SH3KBP1: variants seen among roughly 807,000 people sequenced by gnomAD.
SH3KBP1 encodes SH3 domain-containing kinase-binding protein 1.
A neutral mutation model predicts 50.1 loss-of-function variants in SH3KBP1; 8 were observed. That is an observed-to-expected ratio of 0.16 (90% CI 0.09 to 0.29). The LOEUF is 0.29. Ranked by LOEUF, SH3KBP1 falls within the 10% of genes least tolerant of loss-of-function variation. The pLI, the probability that SH3KBP1 is intolerant of heterozygous loss-of-function variation, is 1.00. For synonymous variants in SH3KBP1, 227 were observed against 218.6 expected, an observed-to-expected ratio of 1.04 and a Z score of -0.34; for missense variants, 377 against 535.2, an observed-to-expected ratio of 0.70 and a Z score of 2.92.
chrX:19,695,581 CT>C, intron 5 of SH3KBP1, 30 bp downstream of exon 5: 1 of 1,206,408 alleles, frequency 8.3e-7, no homozygotes, highest in Non-Finnish European at 1.1e-6. Flanking sequence ...TCCCCCGCCC[CT>C]CTCCTGCTTG....
At chrX:19,833,746 C>G (rs780614391) in intron 2 of SH3KBP1, among the ~76,000 whole-genome samples, 3 of 111,864 alleles carry the variant, frequency 2.7e-5, no homozygotes, top group Non-Finnish European at 5.6e-5. Context: ...CTCTTTCCCA[C>G]AGTCCCCTTC....
At chrX:19,855,299 A>G (rs147632851) in intron 1 of SH3KBP1, among the ~76,000 whole-genome samples, 3 of 112,056 alleles carry the variant, frequency 2.7e-5, no homozygotes, top group African/African-American at 6.5e-5. Context: ...GCTTTTTCTT[A>G]AAGAGTCAGA....
At chrX:19,875,233 C>T (rs1355169690) in intron 1 of SH3KBP1, among the ~76,000 whole-genome samples, 2 of 111,682 alleles carry the variant, frequency 1.8e-5, no homozygotes, top group South Asian at 3.8e-4. Context: ...CACTTTTTAA[C>T]GGCCGCCAAC....
intron 6 of SH3KBP1, among the ~76,000 whole-genome samples, chrX:19,682,333 TACACACACAC>T (rs59044973): frequency 1.8e-4 from 14 of 75,912 alleles, no homozygotes; most frequent in Middle Eastern, 7.3e-3. Context: ...ATAAGAGTCA[TACACACACAC>T]ACACACACAC....
intron 6 of SH3KBP1, chrX:19,683,220 T>A (rs1210453201): frequency 3.1e-6 from 1 of 318,554 alleles, no homozygotes; most frequent in Non-Finnish European, 6.1e-6. Flanking sequence ...AGCAGCAACA[T>A]GCTGCCTGCC....
intron 2 of SH3KBP1, among the ~76,000 whole-genome samples, chrX:19,797,785 G>A (rs1343737155): frequency 9.1e-6 from 1 of 110,207 alleles, no homozygotes. Context: ...AGGGGTGAGA[G>A]AACTTGTGAC....
intron 2 of SH3KBP1, among the ~76,000 whole-genome samples, chrX:19,834,407 G>A (rs960429846): frequency 1.8e-5 from 2 of 111,947 alleles, no homozygotes; most frequent in African/African-American, 6.5e-5. Flanking sequence ...TCTGCATGCA[G>A]GTCTTCCCAC....
chrX:19,814,571 T>G (rs1294356007), intron 2 of SH3KBP1, among the ~76,000 whole-genome samples: 1 of 111,749 alleles, frequency 8.9e-6, no homozygotes, highest in Non-Finnish European at 1.9e-5. Flanking sequence ...CATAGGGCCT[T>G]TGCACGTGCC....
intron 2 of SH3KBP1, among the ~76,000 whole-genome samples, chrX:19,765,986 A>G (rs1007502130): frequency 2.7e-5 from 3 of 111,720 alleles, no homozygotes; most frequent in South Asian, 3.7e-4. Context: ...TGGGTGTATA[A>G]TATCTCTGAG....
intron 14 of SH3KBP1, among the ~76,000 whole-genome samples, chrX:19,548,573 T>C (rs764313401): frequency 1.8e-5 from 2 of 111,162 alleles, no homozygotes; most frequent in South Asian, 3.8e-4. Context: ...TCAATGCAGT[T>C]AGGTTTTTCA....
At chrX:19,569,272 G>A (rs1262780843) in intron 12 of SH3KBP1, 84 bp from the exon 13 acceptor site, 1 of 846,185 alleles carries the variant, frequency 1.2e-6, no homozygotes, top group African/African-American at 2.1e-5. Context: ...CACACGTTAA[G>A]GAGTGTGCTG....
intron 8 of SH3KBP1, among the ~76,000 whole-genome samples, chrX:19,620,416 T>C (rs1376869752): frequency 8.9e-6 from 1 of 112,727 alleles, no homozygotes; most frequent in Non-Finnish European, 1.9e-5. Flanking sequence ...ACACTTCTTT[T>C]AAGAAATTCT....
chrX:19,716,489 T>C (rs1490444503), intron 3 of SH3KBP1, among the ~76,000 whole-genome samples: 1 of 112,012 alleles, frequency 8.9e-6, no homozygotes, highest in Non-Finnish European at 1.9e-5. Context: ...GACAAGTGGG[T>C]ATAGCTATGC....
chrX:19,681,847 T>C (rs1465457518), intron 6 of SH3KBP1, among the ~76,000 whole-genome samples: 1 of 109,948 alleles, frequency 9.1e-6, no homozygotes, highest in Non-Finnish European at 1.9e-5. Context: ...AGCAGATGAG[T>C]AGCATGATGT....
chrX:19,883,228 C>T (rs772258832), intron 1 of SH3KBP1, among the ~76,000 whole-genome samples: 8 of 112,549 alleles, frequency 7.1e-5, no homozygotes, highest in African/African-American at 2.6e-4. Context: ...GTATCTCTAA[C>T]GGGTTGCAGG....
chrX:19,835,050 A>G (rs1443101119), intron 2 of SH3KBP1, among the ~76,000 whole-genome samples: 1 of 110,894 alleles, frequency 9.0e-6, no homozygotes, highest in Non-Finnish European at 1.9e-5. Context: ...AAAAAAAAAA[A>G]AAAAAGGCAA....
intron 6 of SH3KBP1, among the ~76,000 whole-genome samples, chrX:19,658,109 T>G (rs1363394735): frequency 8.9e-6 from 1 of 111,768 alleles, no homozygotes; most frequent in Non-Finnish European, 1.9e-5. Context: ...TGTAAGCCTC[T>G]CTCTGGCCAG....
At chrX:19,765,970 T>G (rs1294073827) in intron 2 of SH3KBP1, among the ~76,000 whole-genome samples, 2 of 112,016 alleles carry the variant, frequency 1.8e-5, no homozygotes, top group African/African-American at 6.5e-5. Flanking sequence ...AATACTACTG[T>G]GCACATGGGT....
intron 8 of SH3KBP1, among the ~76,000 whole-genome samples, chrX:19,616,795 T>C (rs1241647200): frequency 9.0e-6 from 1 of 110,952 alleles, no homozygotes; most frequent in Non-Finnish European, 1.9e-5. Flanking sequence ...GGTTCTCAAC[T>C]GGATGCCAGA....
Sources: gnomAD v4.1 joint callset for allele counts (sites outside exome capture counted in the v4.1 genomes callset) on GRCh38, gnomAD v4.1.1 for gene constraint, MANE v1.5 for transcripts, NCBI Gene and HGNC (gene_info 2026-07-23, HGNC 2026-07-21) for gene names.